GPATCH2: variants seen among roughly 807,000 people sequenced by gnomAD.
GPATCH2 encodes G patch domain-containing protein 2.
Under a neutral mutation model 58.0 loss-of-function variants are expected in GPATCH2, and 51 were observed. That is an observed-to-expected ratio of 0.88 (90% CI 0.70 to 1.11). The LOEUF is 1.11. GPATCH2 is among the 50% of genes most tolerant of loss of function. The pLI, the probability that GPATCH2 is intolerant of heterozygous loss-of-function variation, is 0.00. For synonymous variants in GPATCH2, 222 were observed against 218.5 expected, an observed-to-expected ratio of 1.02 and a Z score of -0.14; for missense variants, 625 against 652.2, an observed-to-expected ratio of 0.96 and a Z score of 0.45.
At chr1:217,436,217 G>A (rs779238862) in intron 9 of GPATCH2, among the ~76,000 whole-genome samples, 3 of 151,870 alleles carry the variant, frequency 2.0e-5, no homozygotes, top group Admixed American at 6.6e-5. Flanking sequence ...ATAGAAAACT[G>A]TTTTGGCCCT....
At chr1:217,473,653 T>TA (rs376543282) in intron 8 of GPATCH2, among the ~76,000 whole-genome samples, 126 of 145,412 alleles carry the variant, frequency 8.7e-4, no homozygotes, top group Middle Eastern at 7.0e-3. Flanking sequence ...AGAAAGGATG[T>TA]AAAAAAAAAA....
intron 5 of GPATCH2, among the ~76,000 whole-genome samples, chr1:217,593,212 T>G (rs1197217853): frequency 1.3e-5 from 2 of 151,864 alleles, no homozygotes; most frequent in Non-Finnish European, 2.9e-5. Flanking sequence ...AGAGAAAACA[T>G]TAGACCATAG....
At chr1:217,573,948 AAT>A (rs1468179331) in intron 5 of GPATCH2, among the ~76,000 whole-genome samples, 3 of 152,234 alleles carry the variant, frequency 2.0e-5, no homozygotes, top group African/African-American at 7.2e-5. Flanking sequence ...GACTTTGCTA[AAT>A]ATGTTTACTT....
chr1:217,540,228 AGGAG>A (rs1454455667), intron 5 of GPATCH2, among the ~76,000 whole-genome samples: 1 of 152,166 alleles, frequency 6.6e-6, no homozygotes, highest in Admixed American at 6.5e-5. Flanking sequence ...AAGGAAAGGA[AGGAG>A]GGAGGGAGGG....
At chr1:217,536,067 T>C (rs1051269134) in intron 5 of GPATCH2, among the ~76,000 whole-genome samples, 2 of 152,176 alleles carry the variant, frequency 1.3e-5, no homozygotes, top group Admixed American at 1.3e-4. Flanking sequence ...ATTTTATTAG[T>C]ATTTATTTAC....
At chr1:217,532,900 G>GTTTTTTTTTTTTTT (rs59591091) in intron 5 of GPATCH2, among the ~76,000 whole-genome samples, 18 of 110,848 alleles carry the variant, frequency 1.6e-4, no homozygotes, top group South Asian at 3.0e-4. Flanking sequence ...TTTTTTTTTT[G>GTTTTTTTTTTTTTT]TTTTTTTTTT....
chr1:217,431,546 T>A (rs1658535567), intron 9 of GPATCH2, among the ~76,000 whole-genome samples, 181 bp from the exon 10 acceptor site: 4 of 152,220 alleles, frequency 2.6e-5, no homozygotes, highest in Admixed American at 2.6e-4. Flanking sequence ...AGAAAGATCT[T>A]GTTTAGAATT....
chr1:217,469,520 T>A (rs536964745), intron 8 of GPATCH2, among the ~76,000 whole-genome samples: 127 of 152,260 alleles, frequency 8.3e-4, no homozygotes, highest in African/African-American at 3.0e-3. Flanking sequence ...ATAAAGAAAT[T>A]GATTCTTTTA....
At chr1:217,478,199 G>C (rs983272806) in intron 8 of GPATCH2, among the ~76,000 whole-genome samples, 1 of 152,106 alleles carries the variant, frequency 6.6e-6, no homozygotes, top group Admixed American at 6.5e-5. Flanking sequence ...AATGAGCCCA[G>C]AATGAGAAGA....
At position 217,597,767 on chromosome 1, in the gene GPATCH2, T is replaced by A. The variant is rs148445076; in HGVS notation, c.1098+12554A>T. On this transcript the variant is annotated intron_variant, in intron 5 of 9. Coordinates refer to ENST00000366935, the MANE Select transcript of GPATCH2 (RefSeq NM_018040.5). ...CCTGTCCTTGTTTATAACAAGAATGTTGGCTAGTGGACTCCATTCTATCCC... is the reference window on the plus strand; with the variant it reads ...CCTGTCCTTGTTTATAACAAGAATGATGGCTAGTGGACTCCATTCTATCCC... Among the ~76,000 whole-genome samples the A allele has an allele frequency of 2.5e-3, 387 of 152,310 alleles. 4 individuals are homozygous for A. Among genetic ancestry groups the A allele is most frequent in the African/African-American group, 9.1e-3 (378 of 41,578 alleles).
At chr1:217,432,600 A>C (rs1658594953) in intron 9 of GPATCH2, among the ~76,000 whole-genome samples, 1 of 152,168 alleles carries the variant, frequency 6.6e-6, no homozygotes, top group African/African-American at 2.4e-5. Context: ...AGCAGGTATT[A>C]GATTATGGTG....
Position 217,435,033 on chromosome 1 carries a change from A to T in GPATCH2, c.1367-3668T>A, listed in dbSNP as rs1359846286. On this transcript the variant is annotated intron_variant, in intron 9 of 9. Transcript: ENST00000366935. Reference sequence around the variant, plus strand: ...AACAAAAAAAAGTAACAGATACTTCATTATTCATGGAAAATGATTCTAGAG... The same window carrying T: ...AACAAAAAAAAGTAACAGATACTTCTTTATTCATGGAAAATGATTCTAGAG... Among the ~76,000 whole-genome samples, 3 of 152,330 alleles carry T rather than the reference A, an allele frequency of 2.0e-5. No homozygotes were observed. The East Asian group carries it at 5.8e-4, about 29-fold the overall frequency.
chr1:217,521,015 T>C (rs1663425100), intron 5 of GPATCH2, among the ~76,000 whole-genome samples: 1 of 152,230 alleles, frequency 6.6e-6, no homozygotes, highest in South Asian at 2.1e-4. Context: ...CAGTTACTTC[T>C]TAAAAGTTTG....
chr1:217,629,611 G>A (rs1271914925), intron 1 of GPATCH2, among the ~76,000 whole-genome samples: 1 of 152,132 alleles, frequency 6.6e-6, no homozygotes, highest in African/African-American at 2.4e-5. Context: ...TCCTTGAGAG[G>A]GAACTGTGGG....
chr1:217,558,404 A>G (rs1429478310), intron 5 of GPATCH2, among the ~76,000 whole-genome samples: 1 of 152,224 alleles, frequency 6.6e-6, no homozygotes, highest in Non-Finnish European at 1.5e-5. Flanking sequence ...CAACAATGGA[A>G]TCAAACACGG....
intron 1 of GPATCH2, among the ~76,000 whole-genome samples, chr1:217,620,849 C>G (rs937865525): frequency 6.6e-6 from 1 of 152,178 alleles, no homozygotes; most frequent in Non-Finnish European, 1.5e-5. Context: ...AGTTTTCCTA[C>G]AGCAGATACA....
intron 5 of GPATCH2, among the ~76,000 whole-genome samples, chr1:217,551,657 G>T (rs1330106292): frequency 1.3e-5 from 2 of 152,154 alleles, no homozygotes; most frequent in South Asian, 2.1e-4. Context: ...CTCACTCACT[G>T]TTGTGTTTGT....
intron 5 of GPATCH2, among the ~76,000 whole-genome samples, chr1:217,590,736 T>C (rs1228010957): frequency 6.6e-6 from 1 of 152,212 alleles, no homozygotes; most frequent in East Asian, 1.9e-4. Context: ...CTAGAAGGCA[T>C]TTGAACTTCG....
At chr1:217,524,445 T>G (rs1663705223) in intron 5 of GPATCH2, among the ~76,000 whole-genome samples, 1 of 150,958 alleles carries the variant, frequency 6.6e-6, no homozygotes, top group South Asian at 2.1e-4. Flanking sequence ...CGCTCCTCAC[T>G]TCCCAGACGG....
Sources: allele counts gnomAD v4.1 joint callset (sites outside exome capture counted in the v4.1 genomes callset), GRCh38; gene constraint gnomAD v4.1.1; transcripts MANE v1.5; gene names NCBI Gene and HGNC (gene_info 2026-07-23, HGNC 2026-07-21).